RMND1: variants seen among roughly 807,000 people sequenced by gnomAD.
The protein encoded by RMND1 is required for meiotic nuclear division protein 1 homolog.
A neutral mutation model predicts 54.0 loss-of-function variants in RMND1; 41 were observed. The ratio of observed to expected loss-of-function variants is 0.76; its 90% CI spans 0.59 to 0.98. The LOEUF (loss-of-function observed/expected upper bound fraction) is 0.98, where lower values mean the gene tolerates loss of function less well. Among genes scored for constraint, RMND1 ranks in the 50% least tolerant of loss-of-function variants. RMND1 has a pLI of 0.00. For missense variants in RMND1, 457 were observed against 532.0 expected (o/e 0.86, Z 1.39); for synonymous variants, 183 against 181.7 (o/e 1.01, Z -0.06).
At chr6:151,433,483 GC>G (rs1341486766) in intron 3 of RMND1, among the ~76,000 whole-genome samples, 3 of 151,922 alleles carry the variant, frequency 2.0e-5, no homozygotes, top group Admixed American at 6.6e-5. Flanking sequence ...TAATATTAGA[GC>G]TCATTCATGC....
chr6:151,438,812 A>C (rs77470928), intron 2 of RMND1, among the ~76,000 whole-genome samples: 92 of 126,770 alleles, frequency 7.3e-4, no homozygotes, highest in African/African-American at 2.4e-3. Context: ...TTTTTTTTCC[A>C]AAAAAAACCC....
intron 2 of RMND1, chr6:151,445,000 A>G (rs1436163084): frequency 3.8e-6 from 1 of 260,582 alleles, no homozygotes. Flanking sequence ...TTTTTTTTAC[A>G]GTCCCATTCT....
Position 151,422,773 on chromosome 6 carries a change from T to G in RMND1, c.938-168A>C, listed in dbSNP as rs551550953. 6.6e-5 allele frequency among the ~76,000 whole-genome samples: 10 copies of G among 152,270 alleles called. No homozygotes were observed. In the East Asian group the frequency reaches 1.9e-3, roughly 29 times the overall value. The stretch of plus-strand genomic sequence containing the variant: ...TAGTTAATTATCATAAAGGACAGAA[T>G]TAAAGTGGATAGAGGAAACTGAATC... On this transcript the variant is annotated intron_variant, in intron 7 of 11. Coordinates refer to ENST00000444024, the MANE Select transcript of RMND1 (RefSeq NM_017909.4).
intron 1 of RMND1, among the ~76,000 whole-genome samples, chr6:151,446,231 G>A (rs532683377): frequency 2.8e-4 from 43 of 152,046 alleles, no homozygotes; most frequent in African/African-American, 9.6e-4. Context: ...CAGACCAGCT[G>A]AGGCAACATG....
At chr6:151,422,485 A>C in intron 8 of RMND1, 56 bp downstream of exon 8, 1 of 905,214 alleles carries the variant, frequency 1.1e-6, no homozygotes, top group Non-Finnish European at 1.7e-6. Flanking sequence ...TGGGAAATTC[A>C]TATTTTTTAC....
intron 10 of RMND1, among the ~76,000 whole-genome samples, chr6:151,415,966 C>G (rs749521124): frequency 5.1e-4 from 77 of 150,918 alleles, no homozygotes; most frequent in Admixed American, 1.1e-3. Flanking sequence ...AGTGATAAAA[C>G]AGTTTTGTGT....
intron 2 of RMND1, among the ~76,000 whole-genome samples, chr6:151,442,469 G>A (rs980755773): frequency 2.0e-5 from 3 of 152,140 alleles, no homozygotes; most frequent in Admixed American, 6.6e-5. Context: ...CAGACCTGCC[G>A]TTCCCATCCT....
intron 5 of RMND1, among the ~76,000 whole-genome samples, chr6:151,428,018 G>A (rs1466956503): frequency 6.6e-6 from 1 of 152,168 alleles, no homozygotes; most frequent in African/African-American, 2.4e-5. Flanking sequence ...ATGTACACCT[G>A]TAGTCCCAGC....
chr6:151,427,347 T>A (rs758446209), intron 6 of RMND1, 135 bp downstream of exon 6: 7 of 505,836 alleles, frequency 1.4e-5, no homozygotes, highest in South Asian at 1.1e-4. Flanking sequence ...CTGCACTCCA[T>A]CCTGGGCGAC....
In RMND1 at chr6:151,434,497, G is replaced by GA. The variant is rs557691222; in HGVS notation, c.614-1268dup. On this transcript the variant is annotated intron_variant, in intron 3 of 11. Coordinates refer to ENST00000444024, the MANE Select transcript of RMND1 (RefSeq NM_017909.4). The stretch of plus-strand genomic sequence containing the variant: ...AGCCAAAAGCAAAATAAAATCGACT[G>GA]AAACAACCCAGGGCAGTGAAGCCTG... Among the ~76,000 whole-genome samples the GA allele has an allele frequency of 3.5e-3, 526 of 151,510 alleles. 3 individuals are homozygous for GA. The highest frequency in any genetic ancestry group is 0.012 in the African/African-American group (478 of 41,262).
In RMND1 at chr6:151,445,656, C is replaced by T. The variant is rs200789687; in HGVS notation, c.156G>A (p.Leu52=). The T allele has an allele frequency of 4.4e-5, 71 of 1,614,166 alleles. No homozygotes were observed. Among genetic ancestry groups the T allele is most frequent in the Non-Finnish European group, 5.8e-5 (68 of 1,180,020 alleles). Residue 52 remains leucine (L), a synonymous_variant, in exon 2 of 12, where the codon TTG becomes TTA. Transcript: ENST00000444024. ...CACTAGCTGTTTTATCAGGAAGGAACAAATCCAAGCTTTGACGTATTGTCA... is the reference window on the plus strand; with the variant it reads ...CACTAGCTGTTTTATCAGGAAGGAATAAATCCAAGCTTTGACGTATTGTCA... ...STLTIRQSLD[L]FLPDKTASGL...
chr6:151,421,417 G>T, intron 8 of RMND1, 96 bp from the exon 9 acceptor site: 1 of 734,414 alleles, frequency 1.4e-6, no homozygotes, highest in Non-Finnish European at 2.3e-6. Context: ...GGCATAATTT[G>T]GATCCTATGT....
chr6:151,438,898 G>A (rs1054127368), intron 2 of RMND1, among the ~76,000 whole-genome samples: 1 of 151,880 alleles, frequency 6.6e-6, no homozygotes, highest in Non-Finnish European at 1.5e-5. Flanking sequence ...TGGATCACTT[G>A]AGGTCAGGAG....
chr6:151,436,896 T>TGAC (rs72558594), intron 2 of RMND1: 194 of 175,338 alleles, frequency 1.1e-3, no homozygotes, highest in African/African-American at 4.4e-3. Flanking sequence ...CTGGATGGAA[T>TGAC]GTTTAAGTCT....
At chr6:151,440,720 G>A (rs1026792852) in intron 2 of RMND1, among the ~76,000 whole-genome samples, 10 of 152,164 alleles carry the variant, frequency 6.6e-5, no homozygotes, top group Non-Finnish European at 1.2e-4. Context: ...TCTATTAATA[G>A]ATGAACTTGA....
At position 151,417,764 on chromosome 6, in the gene RMND1, C is replaced by T. The variant is rs576547033; in HGVS notation, c.1080-365G>A. On this transcript the variant is annotated intron_variant, in intron 9 of 11. Transcript: ENST00000444024. ...AACCAAATTAATTCAATCTTTAATACCAACATTATTTATGAAGTACACAGA... is the reference window on the plus strand; with the variant it reads ...AACCAAATTAATTCAATCTTTAATATCAACATTATTTATGAAGTACACAGA... Among the ~76,000 whole-genome samples, 7 of 151,906 alleles carry T rather than the reference C, an allele frequency of 4.6e-5. No individual in the cohort carries two copies. In the East Asian group the frequency reaches 7.7e-4, roughly 17 times the overall value.
intron 10 of RMND1, among the ~76,000 whole-genome samples, chr6:151,409,850 G>A (rs1013238129): frequency 6.6e-6 from 1 of 152,144 alleles, no homozygotes; most frequent in South Asian, 2.1e-4. Flanking sequence ...TCAGCGACAG[G>A]ACTTCAGGGG....
chr6:151,405,976 G>T (rs914452596), intron 10 of RMND1, 140 bp from the exon 11 acceptor site: 5 of 503,436 alleles, frequency 9.9e-6, no homozygotes, highest in Non-Finnish European at 1.8e-5. Context: ...TCAGTTTCTT[G>T]TGAATCCGTC....
At chr6:151,409,149 A>C (rs1190912741) in intron 10 of RMND1, among the ~76,000 whole-genome samples, 6 of 152,218 alleles carry the variant, frequency 3.9e-5, no homozygotes, top group African/African-American at 9.6e-5. Flanking sequence ...TGAGAGAGTC[A>C]AGAAGGAATC....
Sources: allele counts gnomAD v4.1 joint callset (sites outside exome capture counted in the v4.1 genomes callset), GRCh38; gene constraint gnomAD v4.1.1; transcripts MANE v1.5; gene names NCBI Gene and HGNC (gene_info 2026-07-23, HGNC 2026-07-21).